The following LRRC4C variants were observed in gnomAD, a reference collection of about 807,000 sequenced individuals.
LRRC4C encodes leucine-rich repeat-containing protein 4C.
A neutral mutation model predicts 33.6 loss-of-function variants in LRRC4C; 5 were observed. That is an observed-to-expected ratio of 0.15 (90% CI 0.08 to 0.31). LRRC4C has a LOEUF of 0.31. LRRC4C is among the 10% of genes least tolerant of loss of function. LRRC4C has a pLI of 1.00. For synonymous variants in LRRC4C, 329 were observed against 302.0 expected (o/e 1.09, Z -0.93); for missense variants, 560 against 796.7 (o/e 0.70, Z 3.58).
At chr11:40,834,285 A>G (rs936234710) in intron 2 of LRRC4C, among the ~76,000 whole-genome samples, 6 of 152,028 alleles carry the variant, frequency 3.9e-5, no homozygotes, top group South Asian at 4.1e-4. Context: ...CAGCCTGCCA[A>G]CATGGTAAAA....
intron 1 of LRRC4C, among the ~76,000 whole-genome samples, chr11:40,946,339 G>C (rs917583633): frequency 1.3e-5 from 2 of 152,142 alleles, no homozygotes; most frequent in Non-Finnish European, 2.9e-5. Flanking sequence ...ATCCACCACT[G>C]ATGGGCACCT....
chr11:40,713,449 T>C (rs1378293441), intron 2 of LRRC4C, among the ~76,000 whole-genome samples: 1 of 152,188 alleles, frequency 6.6e-6, no homozygotes, highest in Non-Finnish European at 1.5e-5. Context: ...TCAGGAGATA[T>C]GCAGACTAAT....
In LRRC4C at chr11:41,297,667, C is replaced by T. The variant is rs138164266; in HGVS notation, c.-496+161764G>A. Among the ~76,000 whole-genome samples the T allele has an allele frequency of 8.0e-3, 1,224 of 152,088 alleles. 24 individuals are homozygous for T. The highest frequency in any genetic ancestry group is 0.028 in the African/African-American group (1,158 of 41,462). ...ACGATAAATGGAAAATACTCTCTGCCTGTTTACTATATATTTCAATACACT... is the reference window on the plus strand; with the variant it reads ...ACGATAAATGGAAAATACTCTCTGCTTGTTTACTATATATTTCAATACACT... On this transcript the variant is annotated intron_variant, in intron 1 of 6. Transcript: ENST00000528697.
At chr11:40,295,667 T>C (rs1359135571) in intron 4 of LRRC4C, among the ~76,000 whole-genome samples, 1 of 152,244 alleles carries the variant, frequency 6.6e-6, no homozygotes, top group African/African-American at 2.4e-5. Flanking sequence ...GCATCTCAGA[T>C]GTCAGTACAT....
intron 2 of LRRC4C, among the ~76,000 whole-genome samples, chr11:40,857,622 A>G (rs1953854259): frequency 6.6e-6 from 1 of 152,220 alleles, no homozygotes. Context: ...ATAAATACGT[A>G]TTATTAGAAA....
chr11:41,220,261 T>A (rs980962431), intron 1 of LRRC4C, among the ~76,000 whole-genome samples: 3 of 152,248 alleles, frequency 2.0e-5, no homozygotes, highest in Non-Finnish European at 2.9e-5. Flanking sequence ...AAACTATTAT[T>A]ATTTTCTTTC....
chr11:41,329,100 T>C (rs1951213526), intron 1 of LRRC4C, among the ~76,000 whole-genome samples: 2 of 152,228 alleles, frequency 1.3e-5, no homozygotes, highest in Non-Finnish European at 1.5e-5. Flanking sequence ...CATTGGCCTA[T>C]TTAACTTCTG....
intron 2 of LRRC4C, among the ~76,000 whole-genome samples, chr11:40,898,428 T>C (rs189922446): frequency 1.3e-5 from 2 of 149,252 alleles, no homozygotes; most frequent in Admixed American, 1.3e-4. Flanking sequence ...GTGAGCAAAA[T>C]TTTTTGTTGA....
chr11:40,608,828 A>G (rs975826936), intron 3 of LRRC4C, among the ~76,000 whole-genome samples: 8 of 152,122 alleles, frequency 5.3e-5, no homozygotes, highest in African/African-American at 1.9e-4. Flanking sequence ...GACACAAGAG[A>G]CAGAGAAGGA....
At chr11:40,815,636 G>A (rs932646106) in intron 2 of LRRC4C, among the ~76,000 whole-genome samples, 9 of 152,066 alleles carry the variant, frequency 5.9e-5, no homozygotes, top group Non-Finnish European at 1.2e-4. Flanking sequence ...TCCATGAGCT[G>A]ATAATTTATG....
chr11:40,282,021 A>G (rs930135126), intron 4 of LRRC4C, among the ~76,000 whole-genome samples: 5 of 152,174 alleles, frequency 3.3e-5, no homozygotes, highest in Non-Finnish European at 7.3e-5. Context: ...GAGGTTGCCT[A>G]CAAGTGTCAT....
chr11:40,264,131 G>T (rs1165001464), intron 4 of LRRC4C, among the ~76,000 whole-genome samples: 1 of 152,112 alleles, frequency 6.6e-6, no homozygotes, highest in African/African-American at 2.4e-5. Flanking sequence ...CACATAGTAA[G>T]TGCTCACTAA....
At chr11:40,362,019 T>C (rs990679225) in intron 3 of LRRC4C, among the ~76,000 whole-genome samples, 1 of 152,264 alleles carries the variant, frequency 6.6e-6, no homozygotes, top group African/African-American at 2.4e-5. Context: ...GGGAAAGGAT[T>C]CCCTATTCAA....
chr11:40,491,548 T>A lies in LRRC4C; in HGVS notation c.-270+156594A>T, dbSNP rs114441227. Reference sequence around the variant, plus strand: ...GACAGAATTAAGTTTCTTGTGGTTGTAGGAATGCGTACCTCAGCTCTTAGA... The same window carrying A: ...GACAGAATTAAGTTTCTTGTGGTTGAAGGAATGCGTACCTCAGCTCTTAGA... On this transcript the variant is annotated intron_variant, in intron 3 of 6. Transcript: ENST00000528697. 7.9e-3 allele frequency among the ~76,000 whole-genome samples: 1,210 copies of A among 152,248 alleles called. 10 individuals are homozygous for A. The highest frequency in any genetic ancestry group is 0.027 in the African/African-American group (1,141 of 41,554).
intron 1 of LRRC4C, among the ~76,000 whole-genome samples, chr11:41,036,849 T>C (rs1173732547): frequency 6.6e-6 from 1 of 152,204 alleles, no homozygotes; most frequent in East Asian, 1.9e-4. Flanking sequence ...GATTTTTCAC[T>C]AGCGGGGGAA....
At chr11:40,880,308 G>A (rs988453482) in intron 2 of LRRC4C, among the ~76,000 whole-genome samples, 6 of 151,952 alleles carry the variant, frequency 3.9e-5, no homozygotes, top group African/African-American at 4.8e-5. Flanking sequence ...TAATCCCCCC[G>A]GTAAATAATA....
At position 40,767,769 on chromosome 11, in the gene LRRC4C, A is replaced by G. The variant is rs188091235; in HGVS notation, c.-406-119491T>C. On this transcript the variant is annotated intron_variant, in intron 2 of 6. Transcript: ENST00000528697. ...GAAGAAAATGGAAAAATTTATTGAA[A>G]CAATAAAAATGAAAATGCAACATAC... Among the ~76,000 whole-genome samples the G allele has an allele frequency of 1.3e-4, 20 of 152,192 alleles. 1 individual carries two copies. Among genetic ancestry groups the G allele is most frequent in the African/African-American group, 4.3e-4 (18 of 41,578 alleles).
intron 1 of LRRC4C, among the ~76,000 whole-genome samples, chr11:41,278,333 AAC>A (rs1949548066): frequency 6.6e-6 from 1 of 152,124 alleles, no homozygotes; most frequent in Non-Finnish European, 1.5e-5. Flanking sequence ...AACAAACTAT[AAC>A]CAACCATATT....
chr11:41,050,878 G>A (rs1300865195), intron 1 of LRRC4C, among the ~76,000 whole-genome samples: 17 of 152,090 alleles, frequency 1.1e-4, no homozygotes, highest in Admixed American at 1.1e-3. Flanking sequence ...GATTCTAGAG[G>A]TTTTCATTGC....
Sources: gnomAD v4.1 joint callset for allele counts (sites outside exome capture counted in the v4.1 genomes callset) on GRCh38, gnomAD v4.1.1 for gene constraint, MANE v1.5 for transcripts, NCBI Gene and HGNC (gene_info 2026-07-23, HGNC 2026-07-21) for gene names.